CD37: variants seen among roughly 807,000 people sequenced by gnomAD.
CD37 encodes the protein CD37 molecule.
CD37 carries 37 observed loss-of-function variants against 38.9 expected under a neutral mutation model. The observed-to-expected ratio is 0.95, with a 90% CI of 0.73 to 1.25. The LOEUF (loss-of-function observed/expected upper bound fraction) is 1.25, where lower values mean the gene tolerates loss of function less well. Among genes scored for constraint, CD37 ranks in the 50% most tolerant of loss-of-function variants. CD37 has a pLI of 0.00. For synonymous variants in CD37, 146 were observed against 150.1 expected, an observed-to-expected ratio of 0.97 and a Z score of 0.20; for missense variants, 351 against 360.1, an observed-to-expected ratio of 0.97 and a Z score of 0.20.
In CD37 at chr19:49,339,411, G is replaced by C. The variant is rs1223897582; in HGVS notation, c.766G>C (p.Glu256Gln). 1 of 1,613,336 alleles carries C rather than the reference G, an allele frequency of 6.2e-7. No homozygotes were observed. Among genetic ancestry groups the C allele is most frequent in the African/African-American group, 1.3e-5 (1 of 75,048 alleles). Residue 256 changes from glutamate (E) to glutamine (Q), a missense_variant and splice_region_variant, in exon 7 of 8, where the codon GAG (glutamate) becomes CAG (glutamine). By Grantham distance (29) the Glu-to-Gln change is conservative. Transcript: ENST00000323906. This position sits in a 1 kb window ranked among gnomAD's most constrained non-coding sequence, Gnocchi z 4.5. ...CATTTGCCTGGGCGTCGGCCTACTCGAGGTGATCTGGCCCCGCCCCCACCC... is the reference window on the plus strand; with the variant it reads ...CATTTGCCTGGGCGTCGGCCTACTCCAGGTGATCTGGCCCCGCCCCCACCC... ...VGICLGVGLL[E>Q]LGFMTLSIFL...
rs1256571430 is a variant in CD37 at position 49,339,778 on chromosome 19, G to A, written c.768+365G>A. On this transcript the variant is annotated intron_variant, in intron 7 of 7. Transcript: ENST00000323906. This position sits in a 1 kb window ranked among gnomAD's most constrained non-coding sequence, Gnocchi z 4.5. ...GCCCAGCCTGATCGCTGACGGCGGC[G>A]GCGGGCACAGCGGCAGTCTGTGGGG... is the stretch of plus-strand genomic sequence containing the variant. 6 of 1,367,210 alleles carry A rather than the reference G, an allele frequency of 4.4e-6. No homozygotes were observed. The highest frequency in any genetic ancestry group is 2.9e-5 in the East Asian group (1 of 34,916). 84.7% of individuals were successfully genotyped at this position (1,367,210 alleles called of 1,614,324 possible). A position where few individuals can be genotyped will look rare whatever the true frequency, so the allele number is the denominator to read the frequency against.
Position 49,335,488 on chromosome 19 carries a change from C to G in CD37, c.-53C>G. Reference sequence around the variant, plus strand: ...TCTTTCTTTCTCCCTGTCTCCCCCACTGTCAGCACCTCTTCTGTGTGGTGA... The same window carrying G: ...TCTTTCTTTCTCCCTGTCTCCCCCAGTGTCAGCACCTCTTCTGTGTGGTGA... On this transcript the variant is annotated 5_prime_UTR_variant, in exon 1 of 8. Transcript: ENST00000323906. The surrounding 1 kb of genome is among the most constrained non-coding windows in gnomAD (Gnocchi z 4.6). 7.9e-7 allele frequency: 1 copy of G among 1,265,932 alleles called. No individual in the cohort carries two copies. The highest frequency in any genetic ancestry group is 1.2e-6 in the Non-Finnish European group (1 of 864,266). 78.4% of individuals were successfully genotyped at this position (1,265,932 alleles called of 1,614,324 possible). A position where few individuals can be genotyped will look rare whatever the true frequency, so the allele number is the denominator to read the frequency against.
chr19:49,336,554 A>T (rs3138148), intron 2 of CD37: 2,982 of 204,876 alleles, frequency 0.015, 89 homozygotes, highest in African/African-American at 0.057. Flanking sequence ...CGAGGCTCCA[A>T]CTCAAAAAAA....
At position 49,339,260 on chromosome 19, in the gene CD37, GA is replaced by G; in HGVS notation, c.685-66del. ...GCCTGAAGACGGTGAGGGTTGGCCT[GA>G]AAAGAACGCTGGGCCTGGGCTTGAG... On this transcript the variant is annotated intron_variant, in intron 6 of 7. Transcript: ENST00000323906. This position sits in a 1 kb window ranked among gnomAD's most constrained non-coding sequence, Gnocchi z 4.5. 2 of 1,437,920 alleles carry G rather than the reference GA, an allele frequency of 1.4e-6. No homozygotes were observed. The highest frequency in any genetic ancestry group is 1.2e-5 in the South Asian group (1 of 84,164). 89.1% of individuals were successfully genotyped at this position (1,437,920 alleles called of 1,614,324 possible).
Position 49,338,912 on chromosome 19 carries a change from T to C in CD37, c.660T>C (p.Pro220=), listed in dbSNP as rs1476035890. ...ACAGTGCAGACATCTGCGCTGTCCCTGCAGAGAGCCACATCTACCGCGAGG... is the reference window on the plus strand; with the variant it reads ...ACAGTGCAGACATCTGCGCTGTCCCCGCAGAGAGCCACATCTACCGCGAGG... The part of the protein sequence containing the change: ...SRHSADICAV[P]AESHIYREGC... The change falls in exon 6 of 8, where the codon CCT becomes CCC. Residue 220 remains proline, a synonymous_variant. Transcript: ENST00000323906. The surrounding 1 kb of genome is among the most constrained non-coding windows in gnomAD (Gnocchi z 5.0). 6.2e-7 allele frequency: 1 copy of C among 1,613,684 alleles called. No individual in the cohort carries two copies. The highest frequency in any genetic ancestry group is 8.5e-7 in the Non-Finnish European group (1 of 1,179,784).
chr19:49,335,873 C>G lies in CD37; in HGVS notation c.142+87C>G, dbSNP rs1203047454. 1.8e-6 allele frequency: 2 copies of G among 1,094,144 alleles called. No individual in the cohort carries two copies. The highest frequency in any genetic ancestry group is 2.8e-6 in the Non-Finnish European group (2 of 718,362). The allele number at this position is 1,094,144 out of a possible 1,614,324, so 67.8% of individuals were successfully genotyped here. On this transcript the variant is annotated intron_variant, in intron 2 of 7. Transcript: ENST00000323906. The surrounding 1 kb of genome is among the most constrained non-coding windows in gnomAD (Gnocchi z 4.6). ...CCTTGTCTCAGGGAGACCTACGGTG[C>G]CCTACTCTGCAGGCAGGCTACAGGC...
intron 4 of CD37, chr19:49,337,613 A>C: frequency 6.8e-7 from 1 of 1,462,752 alleles, no homozygotes. Flanking sequence ...TGTCTCAAAA[A>C]ATAAATTAAT....
chr19:49,338,907 G>T lies in CD37; in HGVS notation c.655G>T (p.Val219Phe). The change falls in exon 6 of 8, where the codon GTC becomes TTC. Residue 219 changes from valine (V) to phenylalanine (F), a missense_variant. Val to Phe is a conservative substitution (Grantham distance 50). Coordinates refer to ENST00000323906, the MANE Select transcript of CD37 (RefSeq NM_001774.3). This position sits in a 1 kb window ranked among gnomAD's most constrained non-coding sequence, Gnocchi z 5.0. ...CAGACACAGTGCAGACATCTGCGCTGTCCCTGCAGAGAGCCACATCTACCG... is the reference window on the plus strand; with the variant it reads ...CAGACACAGTGCAGACATCTGCGCTTTCCCTGCAGAGAGCCACATCTACCG... ...RSRHSADICAVPAESHIYREG... is the reference protein window; with the variant it reads ...RSRHSADICAFPAESHIYREG... 1.9e-6 allele frequency: 3 copies of T among 1,613,924 alleles called. No individual in the cohort carries two copies. In the South Asian group the frequency reaches 3.3e-5, roughly 18 times the overall value.
rs749201462 is a variant in CD37, at chr19:49,335,659, C to T, written c.69+50C>T. 98 of 1,610,316 alleles carry T rather than the reference C, an allele frequency of 6.1e-5. No individual in the cohort carries two copies. The highest frequency in any genetic ancestry group is 8.0e-5 in the Non-Finnish European group (94 of 1,176,738). On this transcript the variant is annotated intron_variant, in intron 1 of 7. Coordinates refer to ENST00000323906, the MANE Select transcript of CD37 (RefSeq NM_001774.3). This position sits in a 1 kb window ranked among gnomAD's most constrained non-coding sequence, Gnocchi z 4.6. ...CCGGGGCCCAGCCCCTGCCGCTAAC[C>T]CAGCCCTCATCTTCCCCTGTGGCCC... is the stretch of plus-strand genomic sequence containing the variant.
rs1348849955 is a variant in CD37 at position 49,339,315 on chromosome 19, C to T, written c.685-15C>T. On this transcript the variant is annotated splice_polypyrimidine_tract_variant and intron_variant, in intron 6 of 7. Coordinates refer to ENST00000323906, the MANE Select transcript of CD37 (RefSeq NM_001774.3). The surrounding 1 kb of genome is among the most constrained non-coding windows in gnomAD (Gnocchi z 4.5). ...CCCAGAAAGAATCCCTTTAACTTTT[C>T]CCTACACCCCCCAGGGCTGCGCGCA... The T allele has an allele frequency of 6.2e-7, 1 of 1,611,018 alleles. No homozygotes were observed. Among genetic ancestry groups the T allele is most frequent in the Non-Finnish European group, 8.5e-7 (1 of 1,177,808 alleles).
chr19:49,339,947 A>C lies in CD37; in HGVS notation c.769-304A>C, dbSNP rs1473363775. 2.9e-6 allele frequency: 4 copies of C among 1,393,024 alleles called. No individual in the cohort carries two copies. Among genetic ancestry groups the C allele is most frequent in the South Asian group, 1.5e-5 (1 of 66,330 alleles). 86.3% of individuals were successfully genotyped at this position (1,393,024 alleles called of 1,614,324 possible). A position where few individuals can be genotyped will look rare whatever the true frequency, so the allele number is the denominator to read the frequency against. On this transcript the variant is annotated intron_variant, in intron 7 of 7. Coordinates refer to ENST00000323906, the MANE Select transcript of CD37 (RefSeq NM_001774.3). This position sits in a 1 kb window ranked among gnomAD's most constrained non-coding sequence, Gnocchi z 4.5. Reference sequence around the variant, plus strand: ...GGAAGTGCGGGCGCAGAATTAGAGGAGGCACAATTAGAGGCTGAGGCAGAG... The same window carrying C: ...GGAAGTGCGGGCGCAGAATTAGAGGCGGCACAATTAGAGGCTGAGGCAGAG...
intron 2 of CD37, chr19:49,336,036 T>G: frequency 1.8e-6 from 1 of 545,848 alleles, no homozygotes; most frequent in Non-Finnish European, 3.3e-6. Flanking sequence ...GCTGGTCAGA[T>G]GCCCCCACAA....
chr19:49,338,786 C>G lies in CD37; in HGVS notation c.534C>G (p.Pro178=). The G allele has an allele frequency of 6.2e-7, 1 of 1,614,034 alleles. No individual in the cohort carries two copies. Among genetic ancestry groups the G allele is most frequent in the Non-Finnish European group, 8.5e-7 (1 of 1,180,024 alleles). Residue 178 remains proline (P), a synonymous_variant, in exon 6 of 8, where the codon CCC becomes CCG. Transcript: ENST00000323906. The surrounding 1 kb of genome is among the most constrained non-coding windows in gnomAD (Gnocchi z 5.0). ...ACGGGTCGGAGGCGCACCGCGTGCC[C>G]TGCTCCTGCTACAACTTGTCGGCGA... ...RGNGSEAHRV[P]CSCYNLSATN...
At position 49,338,751 on chromosome 19, in the gene CD37, C is replaced by G; in HGVS notation, c.499C>G (p.Leu167Val). ...GCAGGACTGGTTCCAAGTCCTCATC[C>G]TGAGAGGTAACGGGTCGGAGGCGCA... is the stretch of plus-strand genomic sequence containing the variant. ...YPQDWFQVLI[L>V]RGNGSEAHRV... Residue 167 changes from leucine to valine, a missense_variant, in exon 6 of 8, where the codon CTG (leucine) becomes GTG (valine). Leu to Val is a conservative substitution (Grantham distance 32, BLOSUM62 1). Transcript: ENST00000323906. The surrounding 1 kb of genome is among the most constrained non-coding windows in gnomAD (Gnocchi z 5.0). The G allele has an allele frequency of 1.2e-6, 2 of 1,613,502 alleles. No individual in the cohort carries two copies. Among genetic ancestry groups the G allele is most frequent in the Non-Finnish European group, 1.7e-6 (2 of 1,180,026 alleles).
At position 49,336,563 on chromosome 19, in the gene CD37, A is replaced by G. The variant is rs1970964100; in HGVS notation, c.143-346A>G. On this transcript the variant is annotated intron_variant, in intron 2 of 7. Transcript: ENST00000323906. ...ACAGAGCGAGGCTCCAACTCAAAAA[A>G]AAACCCTAAGAAATAGATATCATCT... 9 of 209,716 alleles carry G rather than the reference A, an allele frequency of 4.3e-5. 1 individual carries two copies. In the South Asian group the frequency reaches 6.9e-4, roughly 16 times the overall value. The allele number at this position is 209,716 out of a possible 1,614,324, so 13.0% of individuals were successfully genotyped here.
At position 49,338,602 on chromosome 19, in the gene CD37, T is replaced by C; in HGVS notation, c.448-98T>C. On this transcript the variant is annotated intron_variant, in intron 5 of 7. Coordinates refer to ENST00000323906, the MANE Select transcript of CD37 (RefSeq NM_001774.3). The surrounding 1 kb of genome is among the most constrained non-coding windows in gnomAD (Gnocchi z 5.0). ...ACTCCACACCCACCACTTAGTCCCC[T>C]GCTCCCCGACCTGACCTCATACCCA... 2 of 846,506 alleles carry C rather than the reference T, an allele frequency of 2.4e-6. No homozygotes were observed. The highest frequency in any genetic ancestry group is 3.9e-6 in the Non-Finnish European group (2 of 513,756). The allele number at this position is 846,506 out of a possible 1,614,324, so 52.4% of individuals were successfully genotyped here. A position where few individuals can be genotyped will look rare whatever the true frequency, so the allele number is the denominator to read the frequency against.
chr19:49,338,085 G>C lies in CD37; in HGVS notation c.447+56G>C, dbSNP rs2146214128. On this transcript the variant is annotated intron_variant, in intron 5 of 7. Coordinates refer to ENST00000323906, the MANE Select transcript of CD37 (RefSeq NM_001774.3). The surrounding 1 kb of genome is among the most constrained non-coding windows in gnomAD (Gnocchi z 5.0). ...ACTGACCCGCCTCAGCCCTGTGCTT[G>C]GAGGAGACTCCACCCCAACGTGGGC... The C allele has an allele frequency of 1.0e-5, 16 of 1,591,518 alleles. No individual in the cohort carries two copies. Among genetic ancestry groups the C allele is most frequent in the Non-Finnish European group, 1.4e-5 (16 of 1,168,682 alleles).
At chr19:49,336,082 C>A in intron 2 of CD37, 1 of 472,112 alleles carries the variant, frequency 2.1e-6, no homozygotes. Flanking sequence ...GAGGGGAAGC[C>A]CCTTGATGGA....
At position 49,338,005 on chromosome 19, in the gene CD37, G is replaced by C. The variant is rs1226412083; in HGVS notation, c.423G>C (p.Glu141Asp). 1.2e-6 allele frequency: 2 copies of C among 1,614,002 alleles called. No individual in the cohort carries two copies. The highest frequency in any genetic ancestry group is 2.2e-5 in the East Asian group (1 of 44,870). ...ACCCCGAGGAGACCGCGGCCGAGGA[G>C]AGCTGGGACTATGTGCAGTTCCAGG... is the stretch of plus-strand genomic sequence containing the variant. ...GTNPEETAAE[E>D]SWDYVQFQLR... The change falls in exon 5 of 8, where the codon GAG (glutamate) becomes GAC (aspartate). Residue 141 changes from glutamate to aspartate, a missense_variant. Coordinates refer to ENST00000323906, the MANE Select transcript of CD37 (RefSeq NM_001774.3). This position sits in a 1 kb window ranked among gnomAD's most constrained non-coding sequence, Gnocchi z 5.0.
Sources: allele counts gnomAD v4.1 joint callset, GRCh38; gene constraint gnomAD v4.1.1; non-coding constraint Gnocchi (gnomAD v3.1); transcripts MANE v1.5; gene names NCBI Gene and HGNC (gene_info 2026-07-23, HGNC 2026-07-21).